The following CHN2 variants were observed in gnomAD, a reference collection of about 807,000 sequenced individuals.
CHN2 encodes the protein chimerin 2, also known as beta-chimaerin.
CHN2 carries 35 observed loss-of-function variants against 56.3 expected under a neutral mutation model. The observed-to-expected ratio is 0.62, with a 90% confidence interval of 0.47 to 0.82. CHN2 has a LOEUF of 0.82. Among genes scored for constraint, CHN2 ranks in the 40% least tolerant of loss-of-function variants. The probability of loss-of-function intolerance (pLI) is 0.00; values close to 1 mark genes in which losing one functional copy is unlikely to be tolerated. For synonymous variants in CHN2, 210 were observed against 212.8 expected (o/e 0.99, Z 0.12); for missense variants, 491 against 580.5 (o/e 0.85, Z 1.58).
chr7:29,366,365 G>A (rs1170473676), intron 2 of CHN2, among the ~76,000 whole-genome samples: 1 of 152,118 alleles, frequency 6.6e-6, no homozygotes, highest in Non-Finnish European at 1.5e-5. Flanking sequence ...TAGAAGAGAA[G>A]GAGGAGGCGC....
intron 2 of CHN2, among the ~76,000 whole-genome samples, chr7:29,364,856 T>A (rs1163293369): frequency 6.6e-6 from 1 of 152,242 alleles, no homozygotes; most frequent in Non-Finnish European, 1.5e-5. Flanking sequence ...TTCTTTTTAT[T>A]CCCTGAAGGT....
chr7:29,402,839 T>C (rs772778807), intron 6 of CHN2, among the ~76,000 whole-genome samples: 2 of 152,240 alleles, frequency 1.3e-5, no homozygotes, highest in African/African-American at 4.8e-5. Context: ...AGGAAACTTG[T>C]ACCTCAAAAT....
intron 1 of CHN2, among the ~76,000 whole-genome samples, chr7:29,351,995 T>C (rs10253183): frequency 0.34 from 51,095 of 151,934 alleles, 8,720 homozygotes; most frequent in African/African-American, 0.37. Context: ...GGAGTGTTAA[T>C]TTAGGGGCCA....
At chr7:29,340,028 C>A (rs1015692421) in intron 1 of CHN2, among the ~76,000 whole-genome samples, 1 of 152,018 alleles carries the variant, frequency 6.6e-6, no homozygotes, top group Admixed American at 6.6e-5. Flanking sequence ...CAGCATTGGA[C>A]AGGGACTTTA....
At chr7:29,427,501 C>CT (rs1182965853) in intron 6 of CHN2, among the ~76,000 whole-genome samples, 1 of 152,096 alleles carries the variant, frequency 6.6e-6, no homozygotes, top group African/African-American at 2.4e-5. Flanking sequence ...GAAATTCTGC[C>CT]TACCACATCC....
intron 7 of CHN2, among the ~76,000 whole-genome samples, chr7:29,482,295 T>C (rs931267234): frequency 6.6e-6 from 1 of 152,220 alleles, no homozygotes; most frequent in Non-Finnish European, 1.5e-5. Context: ...CTCAAGTAGC[T>C]GTGACAGTTG....
chr7:29,364,588 C>T (rs1399704867), intron 2 of CHN2, among the ~76,000 whole-genome samples: 2 of 152,082 alleles, frequency 1.3e-5, no homozygotes, highest in African/African-American at 4.8e-5. Context: ...GGGGGTGATT[C>T]CAGAGGAATA....
intron 6 of CHN2, among the ~76,000 whole-genome samples, chr7:29,424,926 AT>A (rs1417986349): frequency 5.9e-5 from 9 of 152,236 alleles, no homozygotes; most frequent in African/African-American, 2.2e-4. Flanking sequence ...ACAAAGCTGC[AT>A]CCTGGAGCTT....
chr7:29,233,960 A>G (rs1562852165), intron 1 of CHN2, among the ~76,000 whole-genome samples: 2 of 147,204 alleles, frequency 1.4e-5, no homozygotes, highest in Non-Finnish European at 3.0e-5. Context: ...CAGCCTCCCA[A>G]GTAGCTGGGA....
intron 1 of CHN2, among the ~76,000 whole-genome samples, chr7:29,346,979 C>T (rs577671801): frequency 2.0e-5 from 3 of 152,252 alleles, no homozygotes; most frequent in East Asian, 3.9e-4. Flanking sequence ...TGTGGATTCG[C>T]GTATGTTCCC....
At chr7:29,450,320 C>G (rs911997181) in intron 6 of CHN2, among the ~76,000 whole-genome samples, 8 of 152,124 alleles carry the variant, frequency 5.3e-5, no homozygotes, top group Admixed American at 4.6e-4. Context: ...GTGACCTTAC[C>G]TTGGCAAAAA....
intron 6 of CHN2, among the ~76,000 whole-genome samples, chr7:29,436,640 C>A (rs138467319): frequency 1.3e-5 from 2 of 152,054 alleles, no homozygotes; most frequent in African/African-American, 4.8e-5. Context: ...CCTGGTGACA[C>A]CCCCCAAAAA....
intron 6 of CHN2, among the ~76,000 whole-genome samples, chr7:29,418,443 C>A (rs139523694): frequency 3.7e-4 from 56 of 152,318 alleles, no homozygotes; most frequent in African/African-American, 1.3e-3. Context: ...TGGTAGGTGC[C>A]TTTATTGGGA....
At chr7:29,474,394 A>G (rs1786416901) in intron 6 of CHN2, among the ~76,000 whole-genome samples, 1 of 152,206 alleles carries the variant, frequency 6.6e-6, no homozygotes, top group African/African-American at 2.4e-5. Flanking sequence ...GACCTTTTCA[A>G]GAGAATCCTA....
intron 3 of CHN2, among the ~76,000 whole-genome samples, chr7:29,390,053 C>CAA (rs59954760): frequency 0.66 from 80,750 of 121,746 alleles, 28,960 homozygotes; most frequent in East Asian, 0.85. Context: ...GACACTGTCT[C>CAA]AAAAAAAAAA....
chr7:29,287,056 AG>A (rs1792204588), intron 1 of CHN2, among the ~76,000 whole-genome samples: 1 of 152,086 alleles, frequency 6.6e-6, no homozygotes, highest in African/African-American at 2.4e-5. Context: ...CTGTATTTTT[AG>A]TCCATTTGTT....
rs147269443 is a variant in CHN2, at chr7:29,354,940, T to TTTTTTTTATTTA, written c.88+280_88+281insTTTTATTTATTT. 4.4e-4 allele frequency among the ~76,000 whole-genome samples: 62 copies of TTTTTTTTATTTA among 142,042 alleles called. No individual in the cohort carries two copies. In the East Asian group the frequency reaches 0.011, roughly 25 times the overall value. 93.2% of individuals were successfully genotyped at this position (142,042 alleles called of 152,430 possible). A position where few individuals can be genotyped will look rare whatever the true frequency, so the allele number is the denominator to read the frequency against. ...TCTGCCTTTCAGTTTGGGGCTTTAT[T>TTTTTTTTATTTA]TTTATTTATTTATTTATTTATTTAT... On this transcript the variant is annotated intron_variant, in intron 2 of 12. Coordinates refer to ENST00000222792, the MANE Select transcript of CHN2 (RefSeq NM_004067.4).
intron 7 of CHN2, among the ~76,000 whole-genome samples, chr7:29,486,014 C>CA (rs954789071): frequency 6.6e-6 from 1 of 152,090 alleles, no homozygotes; most frequent in African/African-American, 2.4e-5. Flanking sequence ...ACTCCCTTTC[C>CA]ACCCCCCTTC....
rs533646807 is a variant in CHN2, at chr7:29,218,530, A to G, written c.49+23540A>G. On this transcript the variant is annotated intron_variant, in intron 1 of 12. Coordinates refer to ENST00000222792, the MANE Select transcript of CHN2 (RefSeq NM_004067.4). ...TATGTTTATAGCGGCACTATTCACA[A>G]TAGCAAAGACTTGGAACCAACGTAA... Among the ~76,000 whole-genome samples the G allele has an allele frequency of 7.7e-3, 1,167 of 152,242 alleles. 14 individuals carry two copies. Among genetic ancestry groups the G allele is most frequent in the African/African-American group, 0.026 (1,080 of 41,516 alleles).
Sources: gnomAD v4.1 joint callset for allele counts (sites outside exome capture counted in the v4.1 genomes callset) on GRCh38, gnomAD v4.1.1 for gene constraint, MANE v1.5 for transcripts, NCBI Gene and HGNC (gene_info 2026-07-23, HGNC 2026-07-21) for gene names.